CDH4: variants seen among roughly 807,000 people sequenced by gnomAD.
The protein encoded by CDH4 is cadherin 4, also known as cadherin-4.
Under a neutral mutation model 86.0 loss-of-function variants are expected in CDH4, and 33 were observed. That is an observed-to-expected ratio of 0.38 (90% CI 0.29 to 0.51). The LOEUF (loss-of-function observed/expected upper bound fraction) is 0.51. CDH4 is among the 20% of genes least tolerant of loss of function. The pLI is 0.86. For synonymous variants in CDH4, 555 were observed against 549.4 expected, an observed-to-expected ratio of 1.01 and a Z score of -0.14; for missense variants, 1,114 against 1,307.4, an observed-to-expected ratio of 0.85 and a Z score of 2.28.
chr20:61,420,041 A>C (rs549487239), intron 2 of CDH4, among the ~76,000 whole-genome samples: 1 of 152,314 alleles, frequency 6.6e-6, no homozygotes, highest in Admixed American at 6.5e-5. Flanking sequence ...TGGGAGTTGT[A>C]CCAAGAGCAT....
At chr20:61,592,723 C>T (rs1430969618) in intron 2 of CDH4, among the ~76,000 whole-genome samples, 1 of 152,172 alleles carries the variant, frequency 6.6e-6, no homozygotes, top group African/African-American at 2.4e-5. Context: ...AATGGAGTCA[C>T]TCCCACGCAG....
intron 2 of CDH4, among the ~76,000 whole-genome samples, chr20:61,505,559 A>G (rs184891313): frequency 9.3e-4 from 141 of 152,298 alleles, no homozygotes; most frequent in Middle Eastern, 6.8e-3. Flanking sequence ...CCAGGGAAAA[A>G]GTACCCTTCC....
chr20:61,489,658 A>C (rs2085615268), intron 2 of CDH4, among the ~76,000 whole-genome samples: 1 of 152,252 alleles, frequency 6.6e-6, no homozygotes, highest in South Asian at 2.1e-4. Flanking sequence ...CCTGACGTTA[A>C]TAACTTGCAC....
At chr20:61,936,611 T>C in intron 15 of CDH4, 126 bp from the exon 16 acceptor site, 1 of 633,126 alleles carries the variant, frequency 1.6e-6, no homozygotes, top group Non-Finnish European at 2.5e-6. Flanking sequence ...GAGCCCTTAT[T>C]GGACACCTAC....
At chr20:61,305,840 C>T (rs145806958) in intron 2 of CDH4, among the ~76,000 whole-genome samples, 56 of 152,332 alleles carry the variant, frequency 3.7e-4, no homozygotes, top group African/African-American at 1.3e-3. Context: ...TCAGAGATAA[C>T]TGAAAATATG....
intron 2 of CDH4, among the ~76,000 whole-genome samples, chr20:61,606,443 C>T (rs751886667): frequency 2.0e-5 from 3 of 152,336 alleles, no homozygotes; most frequent in South Asian, 2.1e-4. Context: ...CAGACCCAGG[C>T]TGACTCCAGA....
chr20:61,882,474 G>T (rs906191624), intron 7 of CDH4, among the ~76,000 whole-genome samples: 2 of 152,322 alleles, frequency 1.3e-5, no homozygotes, highest in African/African-American at 4.8e-5. Context: ...CCCGCCTTCT[G>T]GATTCTCTCA....
At chr20:61,522,655 C>T (rs962839153) in intron 2 of CDH4, among the ~76,000 whole-genome samples, 13 of 152,354 alleles carry the variant, frequency 8.5e-5, no homozygotes, top group African/African-American at 2.4e-4. Context: ...CGGAACTGCA[C>T]GCACGGCGCA....
chr20:61,932,842 G>A, intron 13 of CDH4, 143 bp from the exon 14 acceptor site: 3 of 1,089,762 alleles, frequency 2.8e-6, no homozygotes, highest in Non-Finnish European at 3.9e-6. Context: ...CGCGTGTGCA[G>A]TACAGGTGTG....
intron 15 of CDH4, 127 bp downstream of exon 15, chr20:61,934,347 C>A: frequency 2.9e-6 from 3 of 1,022,298 alleles, no homozygotes; most frequent in East Asian, 3.0e-5. Context: ...AGCTCAGACC[C>A]GGGTTCCAGG....
intron 2 of CDH4, among the ~76,000 whole-genome samples, chr20:61,257,350 G>A (rs2084104319): frequency 1.3e-5 from 2 of 152,228 alleles, no homozygotes; most frequent in South Asian, 4.1e-4. Context: ...TTTGTTTTAT[G>A]TCTAAATGAA....
At chr20:61,768,321 CTG>C (rs759843831) in intron 3 of CDH4, among the ~76,000 whole-genome samples, 6 of 152,188 alleles carry the variant, frequency 3.9e-5, no homozygotes, top group Non-Finnish European at 8.8e-5. Flanking sequence ...ACCCATACAT[CTG>C]TGCATATTTG....
chr20:61,293,676 C>T (rs1028113461), intron 2 of CDH4, among the ~76,000 whole-genome samples: 19 of 152,196 alleles, frequency 1.2e-4, no homozygotes, highest in Admixed American at 3.3e-4. Flanking sequence ...CGGTTTTCTC[C>T]TCTGCCAAAT....
In CDH4 at chr20:61,414,840, G is replaced by A. The variant is rs111954858; in HGVS notation, c.169+159903G>A. ...TTGCAGAGCCAGCCTGCCTCCTCCC[G>A]TGGTGAGAGTGGCAGCTGGTCTGGA... On this transcript the variant is annotated intron_variant, in intron 2 of 15. Transcript: ENST00000614565. 1.5e-3 allele frequency among the ~76,000 whole-genome samples: 231 copies of A among 152,320 alleles called. 2 individuals carry two copies. The highest frequency in any genetic ancestry group is 5.3e-3 in the African/African-American group (219 of 41,572).
intron 2 of CDH4, among the ~76,000 whole-genome samples, chr20:61,361,349 A>C (rs1332479410): frequency 6.6e-6 from 1 of 152,142 alleles, no homozygotes; most frequent in African/African-American, 2.4e-5. Context: ...TCATGATCAC[A>C]TGTGTCAAAA....
At chr20:61,764,754 AC>A (rs1314334226) in intron 3 of CDH4, among the ~76,000 whole-genome samples, 2 of 152,150 alleles carry the variant, frequency 1.3e-5, no homozygotes, top group African/African-American at 4.8e-5. Flanking sequence ...TCGGCTTCTA[AC>A]ATCACTCCTA....
intron 2 of CDH4, among the ~76,000 whole-genome samples, chr20:61,675,248 C>T (rs2087433436): frequency 6.6e-6 from 1 of 152,014 alleles, no homozygotes; most frequent in Non-Finnish European, 1.5e-5. Context: ...AGGAAACAAC[C>T]ATCGTAGGGG....
Position 61,517,275 on chromosome 20 carries a change from C to G in CDH4, c.170-226288C>G, listed in dbSNP as rs557065388. On this transcript the variant is annotated intron_variant, in intron 2 of 15. Transcript: ENST00000614565. The surrounding 1 kb of genome is among the most constrained non-coding windows in gnomAD (Gnocchi z 6.6). Reference sequence around the variant, plus strand: ...TGGCGCAGTCACAACCCACGGCAGCCGCCAACTCCTGGGCTCAAGCGATCC... The same window carrying G: ...TGGCGCAGTCACAACCCACGGCAGCGGCCAACTCCTGGGCTCAAGCGATCC... Among the ~76,000 whole-genome samples, 3 of 152,220 alleles carry G rather than the reference C, an allele frequency of 2.0e-5. No individual in the cohort carries two copies. The highest frequency in any genetic ancestry group is 2.0e-4 in the Admixed American group (3 of 15,286).
intron 2 of CDH4, among the ~76,000 whole-genome samples, chr20:61,297,283 G>C (rs1038328256): frequency 2.0e-5 from 3 of 152,240 alleles, no homozygotes; most frequent in Non-Finnish European, 4.4e-5. Context: ...CTACTCGGGA[G>C]GCTGAGGCAG....
Sources: allele counts gnomAD v4.1 joint callset (sites outside exome capture counted in the v4.1 genomes callset), GRCh38; gene constraint gnomAD v4.1.1; non-coding constraint Gnocchi (gnomAD v3.1); transcripts MANE v1.5; gene names NCBI Gene and HGNC (gene_info 2026-07-23, HGNC 2026-07-21).